Variants in CCDC73 observed in about 807,000 individuals in gnomAD.
CCDC73 encodes coiled-coil domain-containing protein 73.
CCDC73 carries 95 observed loss-of-function variants against 116.5 expected under a neutral mutation model. The ratio of observed to expected loss-of-function variants is 0.82; its 90% CI spans 0.69 to 0.97. CCDC73 has a LOEUF of 0.97. Ranked by LOEUF, CCDC73 falls within the 50% of genes least tolerant of loss-of-function variation. CCDC73 has a pLI of 0.00. For missense variants in CCDC73, 1,066 were observed against 1,206.8 expected (o/e 0.88, Z 1.73); for synonymous variants, 398 against 401.3 (o/e 0.99, Z 0.10).
chr11:32,764,962 T>A (rs1477968977), intron 1 of CCDC73, among the ~76,000 whole-genome samples: 1 of 152,042 alleles, frequency 6.6e-6, no homozygotes, highest in Admixed American at 6.6e-5. Context: ...GGGGTTGCAA[T>A]CCTAGTCTCT....
rs767780210 is a variant in CCDC73, at chr11:32,614,472, C to T, written c.1846G>A (p.Glu616Lys). 2.5e-6 allele frequency: 4 copies of T among 1,613,508 alleles called. No homozygotes were observed. In the East Asian group the frequency reaches 6.7e-5, roughly 27 times the overall value. ...TGGTCACTATTTGTAATTTCCTTCT[C>T]TAGAGCATGTTCTCGAGTCCCTGGA... The part of the protein sequence containing the change: ...LLPGTREHAL[E>K]KEITNSDQTK... The change falls in exon 16 of 18, where the codon GAG becomes AAG. Residue 616 changes from glutamate (E) to lysine (K), a missense_variant. Coordinates refer to ENST00000335185, the MANE Select transcript of CCDC73 (RefSeq NM_001008391.4).
chr11:32,615,910 T>C (rs1226322806), intron 15 of CCDC73, 30 bp downstream of exon 15: 4 of 1,481,810 alleles, frequency 2.7e-6, no homozygotes, highest in Non-Finnish European at 3.7e-6. Context: ...ACATACAAAT[T>C]AGAAAATATC....
chr11:32,613,101 AG>A (rs1715406207), intron 16 of CCDC73, among the ~76,000 whole-genome samples: 1 of 152,232 alleles, frequency 6.6e-6, no homozygotes, highest in Non-Finnish European at 1.5e-5. Flanking sequence ...AGATAAAAAT[AG>A]AAAAATTAAG....
intron 6 of CCDC73, among the ~76,000 whole-genome samples, chr11:32,684,848 T>C (rs952364663): frequency 2.6e-5 from 4 of 151,932 alleles, no homozygotes; most frequent in Non-Finnish European, 5.9e-5. Flanking sequence ...GGTACGCTGG[T>C]GTGTGCCTGT....
chr11:32,638,776 C>T (rs575145517), intron 13 of CCDC73, among the ~76,000 whole-genome samples: 36 of 152,050 alleles, frequency 2.4e-4, no homozygotes, highest in Non-Finnish European at 4.3e-4. Flanking sequence ...CGTGCCCAGC[C>T]GATTGTTCTA....
chr11:32,776,485 TTTCC>T (rs1299395458), intron 1 of CCDC73, among the ~76,000 whole-genome samples: 1 of 152,054 alleles, frequency 6.6e-6, no homozygotes, highest in African/African-American at 2.4e-5. Flanking sequence ...TCTATTACAC[TTTCC>T]TTACTGTCTC....
intron 14 of CCDC73, among the ~76,000 whole-genome samples, chr11:32,626,315 G>T (rs550362796): frequency 2.6e-5 from 4 of 151,680 alleles, no homozygotes; most frequent in East Asian, 3.9e-4. Context: ...CACTGCTCAA[G>T]GAAATAAAAG....
At chr11:32,760,826 G>A (rs1221119854) in intron 1 of CCDC73, among the ~76,000 whole-genome samples, 5 of 152,086 alleles carry the variant, frequency 3.3e-5, no homozygotes, top group African/African-American at 1.2e-4. Context: ...AAGAATGTAC[G>A]GTGAAGTCCT....
chr11:32,652,937 T>A (rs978549819), intron 12 of CCDC73, among the ~76,000 whole-genome samples, 186 bp downstream of exon 12: 8 of 152,202 alleles, frequency 5.3e-5, no homozygotes, highest in East Asian at 1.9e-4. Context: ...GTGACATAAA[T>A]GTGAATAATA....
At chr11:32,778,336 G>A (rs1850554524) in intron 1 of CCDC73, among the ~76,000 whole-genome samples, 1 of 152,174 alleles carries the variant, frequency 6.6e-6, no homozygotes. Context: ...TGCTCATTTG[G>A]TCACTGGATG....
intron 1 of CCDC73, among the ~76,000 whole-genome samples, chr11:32,770,799 C>A (rs1162986972): frequency 1.3e-5 from 2 of 151,894 alleles, no homozygotes; most frequent in African/African-American, 2.4e-5. Flanking sequence ...GAGATGAAGT[C>A]AAAAAGAAAT....
At chr11:32,672,369 A>G (rs1018712368) in intron 9 of CCDC73, among the ~76,000 whole-genome samples, 1 of 152,214 alleles carries the variant, frequency 6.6e-6, no homozygotes, top group Non-Finnish European at 1.5e-5. Context: ...ATAGTCTATT[A>G]TGTTACAATG....
the CCDC73 span, among the ~76,000 whole-genome samples, chr11:32,812,832 G>T: frequency 6.6e-6 from 1 of 152,072 alleles, no homozygotes; most frequent in Non-Finnish European, 1.5e-5. Flanking sequence ...GAGACAGCCT[G>T]TCTCAAAACA....
intron 13 of CCDC73, among the ~76,000 whole-genome samples, chr11:32,637,017 C>CTTTTTTTTT (rs71063750): frequency 1.0e-4 from 9 of 87,936 alleles, no homozygotes; most frequent in African/African-American, 2.4e-4. Flanking sequence ...TTTTCTTTTT[C>CTTTTTTTTT]TTTTTTTTTT....
the CCDC73 span, among the ~76,000 whole-genome samples, chr11:32,827,612 G>A: frequency 1.3e-5 from 2 of 152,234 alleles, no homozygotes; most frequent in Admixed American, 6.5e-5. Flanking sequence ...CCAAAGTAGT[G>A]GGAAATGAAG....
At chr11:32,829,493 T>C in the CCDC73 span, among the ~76,000 whole-genome samples, 1 of 152,234 alleles carries the variant, frequency 6.6e-6, no homozygotes, top group Non-Finnish European at 1.5e-5. Flanking sequence ...GTCATTTCCA[T>C]TTCTTATCAC....
At chr11:32,787,050 T>C (rs1020963304) in intron 1 of CCDC73, among the ~76,000 whole-genome samples, 3 of 152,172 alleles carry the variant, frequency 2.0e-5, no homozygotes, top group Non-Finnish European at 4.4e-5. Context: ...ACATCTTTAT[T>C]TGCTTCTCCA....
Position 32,613,596 on chromosome 11 carries a change from CGG to C in CCDC73, c.2720_2721del (p.Pro907ArgfsTer10), listed in dbSNP as rs1855442599. 3 of 1,613,992 alleles carry C rather than the reference CGG, an allele frequency of 1.9e-6. No individual in the cohort carries two copies. Among genetic ancestry groups the C allele is most frequent in the Admixed American group, 3.3e-5 (2 of 59,998 alleles). ...ATGTGATTTACTTTTGACCAAGGAC[CGG>C]GGTCTGAAAAATTCATGTATACTGG... The part of the protein sequence containing the change: ...KTPVYMNFSD[P>X]GPWSKVNHIE... On this transcript the variant is annotated frameshift_variant, in exon 16 of 18. Transcript: ENST00000335185. LOFTEE classifies it high-confidence loss of function.
chr11:32,787,964 T>C (rs955175651), intron 1 of CCDC73, among the ~76,000 whole-genome samples: 1 of 152,208 alleles, frequency 6.6e-6, no homozygotes, highest in African/African-American at 2.4e-5. Context: ...AGATCTTTTA[T>C]GTCCCATATA....
Sources: gnomAD v4.1 joint callset for allele counts (sites outside exome capture counted in the v4.1 genomes callset) on GRCh38, gnomAD v4.1.1 for gene constraint, MANE v1.5 for transcripts, NCBI Gene and HGNC (gene_info 2026-07-23, HGNC 2026-07-21) for gene names.